Variants in HTR4 observed in about 807,000 individuals in gnomAD.
HTR4 encodes the protein 5-hydroxytryptamine receptor 4.
A neutral mutation model predicts 36.8 loss-of-function variants in HTR4; 16 were observed. That is an observed-to-expected ratio of 0.43 (90% CI 0.29 to 0.66). The LOEUF (loss-of-function observed/expected upper bound fraction) is 0.66. HTR4 is among the 30% of genes least tolerant of loss of function. The pLI is 0.13. For synonymous variants in HTR4, 189 were observed against 185.1 expected, an observed-to-expected ratio of 1.02 and a Z score of -0.17; for missense variants, 438 against 490.9, an observed-to-expected ratio of 0.89 and a Z score of 1.02.
chr5:148,611,562 A>G (rs1214522167), intron 2 of HTR4, among the ~76,000 whole-genome samples: 13 of 143,084 alleles, frequency 9.1e-5, no homozygotes, highest in Non-Finnish European at 1.4e-4. Flanking sequence ...GGTACCAGCC[A>G]CTGCAAAATC....
intron 4 of HTR4, among the ~76,000 whole-genome samples, chr5:148,542,072 G>T (rs1759143476): frequency 6.6e-6 from 1 of 151,850 alleles, no homozygotes; most frequent in African/African-American, 2.4e-5. Context: ...GAGTTTTTCT[G>T]ATCATTCACC....
chr5:148,633,946 G>T (rs2127303218), intron 2 of HTR4, among the ~76,000 whole-genome samples: 1 of 152,158 alleles, frequency 6.6e-6, no homozygotes, highest in South Asian at 2.1e-4. Context: ...GATTATGTTA[G>T]CCAGAGTTAG....
intron 5 of HTR4, among the ~76,000 whole-genome samples, chr5:148,514,667 A>C (rs569387408): frequency 6.6e-4 from 100 of 152,156 alleles, no homozygotes; most frequent in African/African-American, 2.4e-3. Context: ...TATATGATAT[A>C]CTCACAAACA....
chr5:148,624,665 G>A (rs1397039281), intron 2 of HTR4, among the ~76,000 whole-genome samples: 3 of 152,098 alleles, frequency 2.0e-5, no homozygotes, highest in Admixed American at 6.5e-5. Context: ...TCACTCTCCC[G>A]TCTCTTCTCC....
chr5:148,593,965 A>G (rs562535308), intron 2 of HTR4, among the ~76,000 whole-genome samples: 65 of 152,338 alleles, frequency 4.3e-4, no homozygotes, highest in African/African-American at 1.5e-3. Context: ...GCTTCTCAGC[A>G]TGAATTATTG....
chr5:148,637,705 C>T (rs1753594716), intron 1 of HTR4, among the ~76,000 whole-genome samples: 1 of 152,124 alleles, frequency 6.6e-6, no homozygotes, highest in African/African-American at 2.4e-5. Context: ...CTATCACAGA[C>T]CCTCAGAAGA....
rs141501237 is a variant in HTR4, at chr5:148,585,034, G to A, written c.27-34772C>T. On this transcript the variant is annotated intron_variant, in intron 2 of 6. Transcript: ENST00000377888. The stretch of plus-strand genomic sequence containing the variant: ...ACATGGTATAGAACCTAAAAGCACT[G>A]CCTGGGAGTGACAGACTTGGGTGTG... Among the ~76,000 whole-genome samples the A allele has an allele frequency of 1.9e-3, 295 of 152,292 alleles. 7 individuals are homozygous for A. In the East Asian group the frequency reaches 0.031, roughly 16 times the overall value.
At chr5:148,624,147 T>C (rs1291384704) in intron 2 of HTR4, among the ~76,000 whole-genome samples, 2 of 152,106 alleles carry the variant, frequency 1.3e-5, no homozygotes, top group Non-Finnish European at 2.9e-5. Flanking sequence ...ACAGCTGCAG[T>C]AGTAGTAGCA....
At chr5:148,599,415 C>T (rs2964276) in intron 2 of HTR4, among the ~76,000 whole-genome samples, 40,172 of 151,912 alleles carry the variant, frequency 0.26, 6,332 homozygotes, top group Non-Finnish European at 0.35. Flanking sequence ...AGACACATTT[C>T]TTCAAAGAAA....
At chr5:148,524,718 G>A (rs1027592150) in intron 4 of HTR4, among the ~76,000 whole-genome samples, 2 of 152,044 alleles carry the variant, frequency 1.3e-5, no homozygotes, top group African/African-American at 2.4e-5. Flanking sequence ...TATTCTTTAA[G>A]GTTTTATACC....
downstream of HTR4, among the ~76,000 whole-genome samples, chr5:148,478,123 C>T (rs180723921): frequency 3.9e-5 from 6 of 152,300 alleles, no homozygotes; most frequent in Admixed American, 2.6e-4. Flanking sequence ...GCAAGAGACC[C>T]TGCCTCATAG....
intron 2 of HTR4, among the ~76,000 whole-genome samples, chr5:148,627,272 A>T (rs557449639): frequency 6.6e-6 from 1 of 152,294 alleles, no homozygotes; most frequent in Admixed American, 6.5e-5. Context: ...CTGAACTTCC[A>T]TATTTAGTTG....
intron 2 of HTR4, among the ~76,000 whole-genome samples, chr5:148,622,075 A>T (rs750300539): frequency 6.6e-6 from 1 of 152,096 alleles, no homozygotes; most frequent in Non-Finnish European, 1.5e-5. Context: ...TCTTGTAATA[A>T]TTGCTCCAAA....
intron 5 of HTR4, among the ~76,000 whole-genome samples, chr5:148,511,619 TTGTGTGTG>T (rs529668445): frequency 6.5e-5 from 9 of 139,348 alleles, no homozygotes; most frequent in African/African-American, 1.1e-4. Context: ...TTGTGGAAGT[TTGTGTGTG>T]TGTGTGTGTG....
chr5:148,490,747 T>C (rs879873299), intron 6 of HTR4: 2 of 1,265,382 alleles, frequency 1.6e-6, no homozygotes, highest in South Asian at 2.6e-5. Context: ...CATTCCATTT[T>C]GTGCTGAAAT....
chr5:148,616,666 G>T (rs2127288979), intron 2 of HTR4, among the ~76,000 whole-genome samples: 1 of 152,276 alleles, frequency 6.6e-6, no homozygotes, highest in South Asian at 2.1e-4. Context: ...ATTAGTATCT[G>T]TGTTCATCTT....
At chr5:148,510,303 G>A (rs1408861498) in intron 5 of HTR4, among the ~76,000 whole-genome samples, 1 of 152,166 alleles carries the variant, frequency 6.6e-6, no homozygotes, top group African/African-American at 2.4e-5. Context: ...AAAGGAACAT[G>A]ATCATATCCC....
chr5:148,482,223 A>G lies in HTR4; in HGVS notation c.*980T>C, dbSNP rs1755921269. The G allele has an allele frequency of 1.0e-6, 1 of 985,548 alleles. No homozygotes were observed. Among genetic ancestry groups the G allele is most frequent in the Non-Finnish European group, 1.2e-6 (1 of 830,016 alleles). The allele number at this position is 985,548 out of a possible 1,614,324, so 61.1% of individuals were successfully genotyped here. A position where few individuals can be genotyped will look rare whatever the true frequency, so the allele number is the denominator to read the frequency against. ...GCTGCAGGGGAAAATGAGTTTCCCC[A>G]GTGTGAACTTCCAACAGTTATCTCC... is the stretch of plus-strand genomic sequence containing the variant. On this transcript the variant is annotated 3_prime_UTR_variant, in exon 7 of 7. Coordinates refer to ENST00000377888, the MANE Select transcript of HTR4 (RefSeq NM_000870.7).
intron 6 of HTR4, 92 bp from the exon 7 acceptor site, chr5:148,483,385 C>G (rs138694355): frequency 8.9e-7 from 1 of 1,117,934 alleles, no homozygotes; most frequent in Non-Finnish European, 1.3e-6. Context: ...CAGGAACACT[C>G]TGTGCCATGC....
Sources: allele counts gnomAD v4.1 joint callset (sites outside exome capture counted in the v4.1 genomes callset), GRCh38; gene constraint gnomAD v4.1.1; transcripts MANE v1.5; gene names NCBI Gene and HGNC (gene_info 2026-07-23, HGNC 2026-07-21).